Variants in SLC24A3 observed in about 807,000 individuals in gnomAD.
SLC24A3 encodes sodium/potassium/calcium exchanger 3.
Under a neutral mutation model 75.8 loss-of-function variants are expected in SLC24A3, and 28 were observed. The ratio of observed to expected loss-of-function variants is 0.37; its 90% confidence interval spans 0.27 to 0.51. The LOEUF is 0.51. Among genes scored for constraint, SLC24A3 ranks in the 20% least tolerant of loss-of-function variants. The probability of loss-of-function intolerance (pLI) is 0.94; values close to 1 mark genes in which losing one functional copy is unlikely to be tolerated. For synonymous variants in SLC24A3, 372 were observed against 334.1 expected, an observed-to-expected ratio of 1.11 and a Z score of -1.24; for missense variants, 663 against 847.8, an observed-to-expected ratio of 0.78 and a Z score of 2.71.
chr20:19,273,710 C>T (rs1478050166), intron 1 of SLC24A3, among the ~76,000 whole-genome samples: 2 of 151,994 alleles, frequency 1.3e-5, no homozygotes, highest in Non-Finnish European at 2.9e-5. Flanking sequence ...GACAGGGACT[C>T]CATCCAGAAG....
chr20:19,685,469 A>G, intron 12 of SLC24A3, 108 bp downstream of exon 12: 1 of 1,512,854 alleles, frequency 6.6e-7, no homozygotes. Context: ...AAATCTCTGT[A>G]TGAACATGAG....
At chr20:19,646,839 C>CTGTGTG (rs1329350835) in intron 6 of SLC24A3, among the ~76,000 whole-genome samples, 38 of 94,324 alleles carry the variant, frequency 4.0e-4, no homozygotes, top group Middle Eastern at 5.2e-3. Context: ...AATTACAAAA[C>CTGTGTG]TCTGTGTGTG....
intron 2 of SLC24A3, among the ~76,000 whole-genome samples, chr20:19,504,035 T>C (rs1325806823): frequency 6.6e-6 from 1 of 152,192 alleles, no homozygotes; most frequent in African/African-American, 2.4e-5. Flanking sequence ...CCTGTTCCTA[T>C]TCCCCTAACC....
chr20:19,275,597 T>C (rs964764097), intron 1 of SLC24A3, among the ~76,000 whole-genome samples: 9 of 151,990 alleles, frequency 5.9e-5, no homozygotes, highest in Non-Finnish European at 1.2e-4. Flanking sequence ...GATCCATTCT[T>C]GGTGTCAGAA....
chr20:19,427,757 G>C lies in SLC24A3; in HGVS notation c.272-87731G>C, dbSNP rs2092465. ...TGGAAAAAAGTATTTGCTGGAGGCT[G>C]GGAGGAGGGACTCCAGGCAGTGGGA... On this transcript the variant is annotated intron_variant, in intron 2 of 16. Coordinates refer to ENST00000328041, the MANE Select transcript of SLC24A3 (RefSeq NM_020689.4). 0.026 allele frequency among the ~76,000 whole-genome samples: 3,956 copies of C among 152,346 alleles called. 380 individuals carry two copies. The East Asian group carries it at 0.37, about 14-fold the overall frequency.
chr20:19,374,792 G>A (rs539911100), intron 2 of SLC24A3, among the ~76,000 whole-genome samples: 19 of 152,186 alleles, frequency 1.2e-4, no homozygotes, highest in African/African-American at 4.6e-4. Flanking sequence ...TTCTTATCAG[G>A]GCATCTGCAT....
chr20:19,440,525 C>A (rs1987279136), intron 2 of SLC24A3, among the ~76,000 whole-genome samples: 1 of 152,112 alleles, frequency 6.6e-6, no homozygotes, highest in Admixed American at 6.5e-5. Flanking sequence ...ACCTGGCTTC[C>A]AAACCATGAG....
chr20:19,448,630 C>A (rs140246229), intron 2 of SLC24A3, among the ~76,000 whole-genome samples: 1 of 152,150 alleles, frequency 6.6e-6, no homozygotes, highest in Non-Finnish European at 1.5e-5. Flanking sequence ...GATGAGGCTC[C>A]CACAGTCATG....
intron 3 of SLC24A3, among the ~76,000 whole-genome samples, chr20:19,531,239 G>T (rs1045284034): frequency 6.6e-6 from 1 of 152,188 alleles, no homozygotes; most frequent in Non-Finnish European, 1.5e-5. Flanking sequence ...CCAGAAGTGG[G>T]TATTGAGTGC....
At chr20:19,325,200 A>G (rs989183438) in intron 2 of SLC24A3, among the ~76,000 whole-genome samples, 7 of 151,908 alleles carry the variant, frequency 4.6e-5, no homozygotes, top group African/African-American at 1.5e-4. Flanking sequence ...GGCTGAGACA[A>G]GGGGATCACT....
At chr20:19,227,523 G>T in intron 1 of SLC24A3, among the ~76,000 whole-genome samples, 1 of 151,624 alleles carries the variant, frequency 6.6e-6, no homozygotes. Context: ...CATTTGTATG[G>T]TTTACTTTTT....
chr20:19,224,920 C>G (rs373577116), intron 1 of SLC24A3, among the ~76,000 whole-genome samples: 14 of 152,222 alleles, frequency 9.2e-5, no homozygotes, highest in Admixed American at 3.3e-4. Context: ...TGGAATCTTT[C>G]TGGGAATTTT....
chr20:19,464,727 T>G (rs1201698426), intron 2 of SLC24A3, among the ~76,000 whole-genome samples: 1 of 152,230 alleles, frequency 6.6e-6, no homozygotes, highest in Non-Finnish European at 1.5e-5. Context: ...AGCCTTTAAG[T>G]ATATTGAGGT....
At chr20:19,491,653 G>C (rs1988210874) in intron 2 of SLC24A3, among the ~76,000 whole-genome samples, 1 of 152,106 alleles carries the variant, frequency 6.6e-6, no homozygotes. Context: ...CCCCTCCTCT[G>C]TTCCCAATGA....
Position 19,681,855 on chromosome 20 carries a change from C to T in SLC24A3, c.768-3C>T. The T allele has an allele frequency of 6.2e-7, 1 of 1,614,052 alleles. No individual in the cohort carries two copies. Among genetic ancestry groups the T allele is most frequent in the Non-Finnish European group, 8.5e-7 (1 of 1,179,992 alleles). ...GACTCTGCCCACTTGTCGCTTTGCT[C>T]AGATATAACGCTTGCATACATCAGT... is the stretch of plus-strand genomic sequence containing the variant. On this transcript the variant is annotated splice_region_variant and splice_polypyrimidine_tract_variant and intron_variant, in intron 9 of 16. Transcript: ENST00000328041.
intron 2 of SLC24A3, among the ~76,000 whole-genome samples, chr20:19,352,247 TG>T (rs1985586192): frequency 6.6e-6 from 1 of 151,810 alleles, no homozygotes; most frequent in Non-Finnish European, 1.5e-5. Flanking sequence ...CAGGGCAGAG[TG>T]GGGGTACAGC....
intron 15 of SLC24A3, among the ~76,000 whole-genome samples, chr20:19,714,420 AAAAAAAC>A (rs1301373646): frequency 7.3e-6 from 1 of 137,124 alleles, no homozygotes; most frequent in Non-Finnish European, 1.5e-5. Flanking sequence ...AAAAAAAAAA[AAAAAAAC>A]AACAAAAAGA....
chr20:19,252,643 C>CA lies in SLC24A3; in HGVS notation c.143-28316_143-28315insA, dbSNP rs113050087. Among the ~76,000 whole-genome samples the CA allele has an allele frequency of 3.5e-3, 461 of 133,454 alleles. 16 individuals carry two copies. The East Asian group carries it at 0.062, about 18-fold the overall frequency. The allele number at this position is 133,454 out of a possible 152,430, so 87.6% of individuals were successfully genotyped here. Reference sequence around the variant, plus strand: ...AACAAAAAGCCTGAAATTGGAATGGCGGGGGGGGGTGCCTGTTCCAGAAAC... The same window carrying CA: ...AACAAAAAGCCTGAAATTGGAATGGCAGGGGGGGGGTGCCTGTTCCAGAAAC... On this transcript the variant is annotated intron_variant, in intron 1 of 16. Transcript: ENST00000328041.
chr20:19,713,375 G>A (rs1465775539), intron 15 of SLC24A3, among the ~76,000 whole-genome samples: 1 of 152,198 alleles, frequency 6.6e-6, no homozygotes, highest in Non-Finnish European at 1.5e-5. Flanking sequence ...AAGGGAGAGA[G>A]AGTACATTGG....
Sources: allele counts gnomAD v4.1 joint callset (sites outside exome capture counted in the v4.1 genomes callset), GRCh38; gene constraint gnomAD v4.1.1; transcripts MANE v1.5; gene names NCBI Gene and HGNC (gene_info 2026-07-23, HGNC 2026-07-21).